The following RABGEF1 variants were observed in gnomAD, a reference collection of about 807,000 sequenced individuals.
RABGEF1 encodes the protein rab5 GDP/GTP exchange factor.
A neutral mutation model predicts 57.3 loss-of-function variants in RABGEF1; 26 were observed. The observed-to-expected ratio is 0.45, with a 90% CI of 0.33 to 0.63. The LOEUF (loss-of-function observed/expected upper bound fraction) is 0.63, where lower values mean the gene tolerates loss of function less well. RABGEF1 is among the 20% of genes least tolerant of loss of function. RABGEF1 has a pLI of 0.02. For synonymous variants in RABGEF1, 185 were observed against 210.7 expected (o/e 0.88, Z 1.06); for missense variants, 464 against 607.6 (o/e 0.76, Z 2.48).
chr7:66,712,299 T>C (rs940787105), intron 2 of RABGEF1: 10 of 152,240 alleles, frequency 6.6e-5, no homozygotes, highest in African/African-American at 2.4e-4. Context: ...ATAAATATTT[T>C]GCACGTTTTG....
intron 1 of RABGEF1, among the ~76,000 whole-genome samples, chr7:66,762,617 A>G (rs1804715971): frequency 6.6e-6 from 1 of 152,082 alleles, no homozygotes; most frequent in South Asian, 2.1e-4. Context: ...AAGAAAAAAA[A>G]GAAATAGGAC....
intron 4 of RABGEF1, 33 bp downstream of exon 4, chr7:66,783,874 GT>G (rs1483913287): frequency 2.5e-6 from 4 of 1,589,914 alleles, no homozygotes; most frequent in Non-Finnish European, 8.6e-7. Context: ...GAAACATAGA[GT>G]TTTGGTTTGA....
intron 2 of RABGEF1, among the ~76,000 whole-genome samples, chr7:66,734,554 C>T (rs1369711667): frequency 6.6e-6 from 1 of 151,468 alleles, no homozygotes; most frequent in Admixed American, 6.6e-5. Flanking sequence ...TGTTGGCCTC[C>T]CAAAGTGCTG....
chr7:66,789,719 A>G (rs1269496375), intron 4 of RABGEF1, among the ~76,000 whole-genome samples: 2 of 146,212 alleles, frequency 1.4e-5, no homozygotes, highest in African/African-American at 5.0e-5. Context: ...GATGTATTTG[A>G]TAATTATGTT....
chr7:66,662,241 A>G, the RABGEF1 span, among the ~76,000 whole-genome samples: 1 of 150,892 alleles, frequency 6.6e-6, no homozygotes, highest in African/African-American at 2.4e-5. Context: ...TCCGTCTCAA[A>G]AAAAAAAAAA....
At chr7:66,746,847 C>T (rs1800370185) in intron 1 of RABGEF1, among the ~76,000 whole-genome samples, 1 of 151,698 alleles carries the variant, frequency 6.6e-6, no homozygotes, top group Non-Finnish European at 1.5e-5. Flanking sequence ...GGCTGGAGTG[C>T]AATAGTGCGA....
At chr7:66,723,379 T>C (rs1562737650) in intron 2 of RABGEF1, among the ~76,000 whole-genome samples, 1 of 152,350 alleles carries the variant, frequency 6.6e-6, no homozygotes, top group East Asian at 1.9e-4. Context: ...GAGTTTATAA[T>C]GTGAATCTTT....
chr7:66,808,148 G>A (rs1188248710), intron 8 of RABGEF1: 3 of 151,918 alleles, frequency 2.0e-5, no homozygotes, highest in Non-Finnish European at 4.4e-5. Flanking sequence ...ACTTTCCCAC[G>A]GTCACTCACT....
chr7:66,751,907 A>G (rs201638898), intron 1 of RABGEF1, among the ~76,000 whole-genome samples: 3 of 152,136 alleles, frequency 2.0e-5, no homozygotes, highest in East Asian at 3.8e-4. Context: ...CCAAAAGTCA[A>G]AATCTTAGGC....
rs549427421 is a variant in RABGEF1 at position 66,797,980 on chromosome 7, G to A, written c.728+474G>A. On this transcript the variant is annotated intron_variant, in intron 6 of 8. Coordinates refer to ENST00000284957, the MANE Select transcript of RABGEF1 (RefSeq NM_014504.3). ...AAAAATACAAAAATTAGCCAGGCAT[G>A]GTGGCGCACGCCTGTGATCCCAGCT... is the stretch of plus-strand genomic sequence containing the variant. 5.3e-5 allele frequency among the ~76,000 whole-genome samples: 8 copies of A among 152,314 alleles called. No individual in the cohort carries two copies. In the South Asian group the frequency reaches 1.7e-3, roughly 32 times the overall value.
chr7:66,726,742 G>A (rs1269658554), intron 2 of RABGEF1, among the ~76,000 whole-genome samples: 1 of 152,090 alleles, frequency 6.6e-6, no homozygotes, highest in Non-Finnish European at 1.5e-5. Flanking sequence ...GGTGGCTCAC[G>A]CCTGTAATCC....
intron 1 of RABGEF1, among the ~76,000 whole-genome samples, chr7:66,763,035 T>C (rs1458787435): frequency 1.3e-5 from 2 of 152,224 alleles, no homozygotes; most frequent in African/African-American, 4.8e-5. Flanking sequence ...AAGGTCTCTG[T>C]TGCCCATGCT....
chr7:66,779,307 C>T (rs1282405428), intron 3 of RABGEF1, among the ~76,000 whole-genome samples: 2 of 151,926 alleles, frequency 1.3e-5, no homozygotes, highest in Non-Finnish European at 2.9e-5. Flanking sequence ...AGTTCGAGAC[C>T]AGACTGGCCA....
At chr7:66,785,735 G>A (rs1354589899) in intron 4 of RABGEF1, among the ~76,000 whole-genome samples, 1 of 152,122 alleles carries the variant, frequency 6.6e-6, no homozygotes, top group Non-Finnish European at 1.5e-5. Flanking sequence ...TTAGCTGGGC[G>A]TGGTGGCAGG....
At chr7:66,680,992 AGAATCGCTT>A (rs1313816752), upstream of RABGEF1, among the ~76,000 whole-genome samples, 1 of 152,064 alleles carries the variant, frequency 6.6e-6, no homozygotes, top group Non-Finnish European at 1.5e-5. Context: ...CTGAGGTGGG[AGAATCGCTT>A]GAACCTAGGA....
intron 7 of RABGEF1, among the ~76,000 whole-genome samples, chr7:66,804,649 C>T (rs775891638): frequency 4.0e-5 from 6 of 151,418 alleles, no homozygotes; most frequent in Non-Finnish European, 5.9e-5. Context: ...GCAAGAGAAT[C>T]GCTTGAACCC....
At chr7:66,677,055 T>C in the RABGEF1 span, among the ~76,000 whole-genome samples, 48 of 152,354 alleles carry the variant, frequency 3.2e-4, 1 homozygote, top group East Asian at 7.3e-3. Flanking sequence ...GTATTTTTCA[T>C]GCTTACATTT....
the RABGEF1 span, among the ~76,000 whole-genome samples, chr7:66,660,749 C>T: frequency 1.3e-5 from 2 of 152,234 alleles, no homozygotes; most frequent in Non-Finnish European, 2.9e-5. Flanking sequence ...TTCTACCAGA[C>T]ATTTAACGAA....
chr7:66,679,240 C>G (rs1209940146), upstream of RABGEF1, among the ~76,000 whole-genome samples: 1 of 152,190 alleles, frequency 6.6e-6, no homozygotes, highest in Non-Finnish European at 1.5e-5. Flanking sequence ...AGCTGGCTCC[C>G]TCATCTTTTA....
Sources: allele counts gnomAD v4.1 joint callset (sites outside exome capture counted in the v4.1 genomes callset), GRCh38; gene constraint gnomAD v4.1.1; transcripts MANE v1.5; gene names NCBI Gene and HGNC (gene_info 2026-07-23, HGNC 2026-07-21).